TIAM2: variants seen among roughly 807,000 people sequenced by gnomAD.
TIAM2 encodes the protein TIAM Rac1 associated GEF 2.
TIAM2 carries 80 observed loss-of-function variants against 152.9 expected under a neutral mutation model. The ratio of observed to expected loss-of-function variants is 0.52; its 90% confidence interval spans 0.44 to 0.63. The LOEUF (loss-of-function observed/expected upper bound fraction) is 0.63. TIAM2 is among the 30% of genes least tolerant of loss of function. The probability of loss-of-function intolerance (pLI) is 0.00; values close to 1 mark genes in which losing one functional copy is unlikely to be tolerated. For synonymous variants in TIAM2, 804 were observed against 838.0 expected (o/e 0.96, Z 0.70); for missense variants, 1,965 against 2,120.1 (o/e 0.93, Z 1.44).
At chr6:155,153,281 G>A (rs1483178340) in intron 7 of TIAM2, among the ~76,000 whole-genome samples, 1 of 151,844 alleles carries the variant, frequency 6.6e-6, no homozygotes, top group Non-Finnish European at 1.5e-5. Flanking sequence ...TTAGTCTTGT[G>A]AGTTTCTGGT....
At chr6:155,177,978 G>A (rs544158523) in intron 10 of TIAM2, among the ~76,000 whole-genome samples, 1 of 151,982 alleles carries the variant, frequency 6.6e-6, no homozygotes, top group South Asian at 2.1e-4. Context: ...TGGCTAACAC[G>A]GTGAAACCCC....
intron 1 of TIAM2, among the ~76,000 whole-genome samples, chr6:155,026,710 G>A (rs1776610197): frequency 6.6e-6 from 1 of 152,232 alleles, no homozygotes; most frequent in South Asian, 2.1e-4. Context: ...TCTCCCATGA[G>A]ACCTTGAGAG....
At chr6:155,132,529 A>G (rs1478646787) in intron 4 of TIAM2, among the ~76,000 whole-genome samples, 3 of 151,876 alleles carry the variant, frequency 2.0e-5, no homozygotes, top group African/African-American at 4.8e-5. Context: ...TAGTGATTTT[A>G]CTCCTGGATC....
intron 2 of TIAM2, among the ~76,000 whole-genome samples, chr6:155,111,284 A>G (rs1228642462): frequency 2.7e-5 from 4 of 149,232 alleles, no homozygotes; most frequent in Non-Finnish European, 5.9e-5. Flanking sequence ...GAAAGTGTCC[A>G]TATATTCTTG....
At chr6:155,235,771 C>A (rs1782721287) in intron 15 of TIAM2, among the ~76,000 whole-genome samples, 1 of 152,190 alleles carries the variant, frequency 6.6e-6, no homozygotes, top group African/African-American at 2.4e-5. Context: ...TCTCAGCTAA[C>A]ATTCACTTTT....
intron 2 of TIAM2, among the ~76,000 whole-genome samples, chr6:155,117,087 T>G (rs569774445): frequency 2.2e-4 from 30 of 137,520 alleles, no homozygotes; most frequent in African/African-American, 7.6e-4. Flanking sequence ...AGAGCCGTGG[T>G]GAGAATGTGT....
intron 9 of TIAM2, among the ~76,000 whole-genome samples, chr6:155,172,173 G>C (rs181557162): frequency 1.3e-5 from 2 of 152,256 alleles, no homozygotes; most frequent in Admixed American, 1.3e-4. Flanking sequence ...GTGATTTGCA[G>C]ACGTTCACTA....
chr6:155,154,592 CT>C (rs1449766339), intron 7 of TIAM2, among the ~76,000 whole-genome samples: 10 of 152,198 alleles, frequency 6.6e-5, no homozygotes, highest in Admixed American at 6.6e-4. Context: ...ATTTGCCTTT[CT>C]GCTTATTATT....
intron 14 of TIAM2, among the ~76,000 whole-genome samples, chr6:155,185,884 A>G (rs1315415233): frequency 1.3e-5 from 2 of 152,134 alleles, no homozygotes; most frequent in East Asian, 1.9e-4. Context: ...GCTGTTCCAT[A>G]GTGATGTCGC....
intron 1 of TIAM2, among the ~76,000 whole-genome samples, chr6:155,001,471 C>T (rs1778310543): frequency 6.6e-6 from 1 of 151,900 alleles, no homozygotes; most frequent in Non-Finnish European, 1.5e-5. Flanking sequence ...TTTTTCATAA[C>T]ATTAAGGAAA....
intron 2 of TIAM2, among the ~76,000 whole-genome samples, chr6:155,100,710 G>A (rs114777439): frequency 6.6e-6 from 1 of 152,136 alleles, no homozygotes; most frequent in Non-Finnish European, 1.5e-5. Flanking sequence ...ATTCTAAGAG[G>A]CAGACCTTAT....
chr6:155,045,276 T>G (rs528459358), intron 1 of TIAM2, among the ~76,000 whole-genome samples: 2 of 152,046 alleles, frequency 1.3e-5, no homozygotes, highest in East Asian at 1.9e-4. Flanking sequence ...GTTGGCCAGA[T>G]TGGTCTCAAA....
rs1200753143 is a variant in TIAM2, at chr6:155,129,820, G to T, written c.597G>T (p.Arg199Ser). ...EDCSEPVQLLRYSPTLASETS... is the reference protein window; with the variant it reads ...EDCSEPVQLLSYSPTLASETS... ...GCAGTGAGCCGGTGCAGCTGCTGAGGTACTCACCTACCTTAGCATCGGAAA... is the reference window on the plus strand; with the variant it reads ...GCAGTGAGCCGGTGCAGCTGCTGAGTTACTCACCTACCTTAGCATCGGAAA... The change falls in exon 4 of 27, where the codon AGG becomes AGT. Residue 199 changes from arginine to serine, a missense_variant. Around this residue, in one of 3 missense-constraint regions of TIAM2, gnomAD observed 1,025 missense variants for 1,119.4 expected, o/e 0.92. Transcript: ENST00000682666. The surrounding 1 kb of genome is among the most constrained non-coding windows in gnomAD (Gnocchi z 4.8). 6.2e-7 allele frequency: 1 copy of T among 1,613,636 alleles called. No homozygotes were observed. Among genetic ancestry groups the T allele is most frequent in the Non-Finnish European group, 8.5e-7 (1 of 1,180,034 alleles).
At chr6:155,254,610 A>C (rs1345600126) in intron 26 of TIAM2, 37 bp downstream of exon 26, 20 of 1,600,436 alleles carry the variant, frequency 1.2e-5, no homozygotes, top group Non-Finnish European at 1.5e-5. Context: ...ATTCAACAAA[A>C]TATTATGAGC....
intron 2 of TIAM2, among the ~76,000 whole-genome samples, chr6:155,096,678 C>G (rs755422849): frequency 6.6e-6 from 1 of 152,146 alleles, no homozygotes; most frequent in Non-Finnish European, 1.5e-5. Context: ...CTGCAAATGA[C>G]AGGATTTCAT....
intron 15 of TIAM2, among the ~76,000 whole-genome samples, chr6:155,235,773 T>C (rs73577497): frequency 0.034 from 5,212 of 152,296 alleles, 283 homozygotes; most frequent in African/African-American, 0.12. Context: ...TCAGCTAACA[T>C]TCACTTTTTG....
chr6:155,244,166 G>A, intron 17 of TIAM2, 87 bp downstream of exon 17: 1 of 1,269,624 alleles, frequency 7.9e-7, no homozygotes, highest in South Asian at 1.2e-5. Flanking sequence ...GAGTATCTCT[G>A]TTGATCCCAA....
intron 1 of TIAM2, among the ~76,000 whole-genome samples, chr6:155,038,436 C>T (rs536703145): frequency 1.3e-5 from 2 of 152,284 alleles, no homozygotes; most frequent in East Asian, 3.9e-4. Context: ...CTTAAATGGT[C>T]TTCTCTTGGG....
At chr6:155,052,857 A>G (rs940885744) in intron 1 of TIAM2, among the ~76,000 whole-genome samples, 2 of 152,104 alleles carry the variant, frequency 1.3e-5, no homozygotes, top group Non-Finnish European at 2.9e-5. Flanking sequence ...GATTAGCCAT[A>G]CGTTTTATGG....
Sources: allele counts gnomAD v4.1 joint callset (sites outside exome capture counted in the v4.1 genomes callset), GRCh38; gene constraint gnomAD v4.1.1; regional missense constraint gnomAD v4.1.1; non-coding constraint Gnocchi (gnomAD v3.1); transcripts MANE v1.5; gene names NCBI Gene and HGNC (gene_info 2026-07-23, HGNC 2026-07-21).